SMIM13: variants seen among roughly 807,000 people sequenced by gnomAD.
The protein encoded by SMIM13 is UPF0766 protein C6orf228.
Under a neutral mutation model 5.9 loss-of-function variants are expected in SMIM13, and 3 were observed. That is an observed-to-expected ratio of 0.51 (90% CI 0.23 to 1.31). SMIM13 has a LOEUF of 1.31. Among genes scored for constraint, SMIM13 ranks in the 40% most tolerant of loss-of-function variants. SMIM13 has a pLI of 0.18. For synonymous variants in SMIM13, 55 were observed against 46.0 expected (o/e 1.19, Z -0.79); for missense variants, 85 against 109.9 (o/e 0.77, Z 1.01).
chr6:11,128,379 A>G (rs1181854170), intron 1 of SMIM13, among the ~76,000 whole-genome samples: 1 of 152,096 alleles, frequency 6.6e-6, no homozygotes, highest in Non-Finnish European at 1.5e-5. Context: ...TAGTATGGCT[A>G]AGCTGATACC....
At chr6:11,126,465 T>C (rs915868060) in intron 1 of SMIM13, among the ~76,000 whole-genome samples, 9 of 152,204 alleles carry the variant, frequency 5.9e-5, no homozygotes, top group African/African-American at 2.2e-4. Context: ...AAGTTTCAGC[T>C]CCAGAATTTC....
chr6:11,127,402 T>TA (rs760673549), intron 1 of SMIM13, among the ~76,000 whole-genome samples: 1 of 152,246 alleles, frequency 6.6e-6, no homozygotes, highest in Non-Finnish European at 1.5e-5. Flanking sequence ...ACAGCTGCCC[T>TA]AGGCCCACAG....
chr6:11,129,076 A>G (rs1581921132), intron 1 of SMIM13, among the ~76,000 whole-genome samples: 1 of 121,522 alleles, frequency 8.2e-6, no homozygotes, highest in Admixed American at 8.7e-5. Flanking sequence ...TGCTACCGGG[A>G]GCGGGGGGGG....
chr6:11,096,986 C>T (rs910951959), intron 1 of SMIM13, among the ~76,000 whole-genome samples: 2 of 152,178 alleles, frequency 1.3e-5, no homozygotes, highest in Non-Finnish European at 2.9e-5. Flanking sequence ...CCACAGTGCC[C>T]GTCCCCAGTG....
At chr6:11,122,494 G>A (rs935193722) in intron 1 of SMIM13, among the ~76,000 whole-genome samples, 2 of 151,978 alleles carry the variant, frequency 1.3e-5, no homozygotes, top group African/African-American at 4.8e-5. Flanking sequence ...AGTCAGGCCT[G>A]TGACCTTTTT....
chr6:11,098,721 C>T (rs916617254), intron 1 of SMIM13, among the ~76,000 whole-genome samples: 2 of 152,216 alleles, frequency 1.3e-5, no homozygotes, highest in African/African-American at 4.8e-5. Context: ...GCATGAGCCA[C>T]CATGCCGGGT....
intron 1 of SMIM13, chr6:11,104,035 C>T: frequency 6.4e-7 from 1 of 1,551,738 alleles, no homozygotes. Context: ...CCTCCCTGTG[C>T]TGCCGTTAAC....
rs916267555 is a variant in SMIM13, at chr6:11,094,244, ACGCGCCGCCGCC to A, written c.-64_-53del. ...CTGGCGCCCGCCGCTGAAGCGCAGG[ACGCGCCGCCGCC>A]CGCGCTCACCGCCGTCCGCGCCAGC... is the stretch of plus-strand genomic sequence containing the variant. On this transcript the variant is annotated 5_prime_UTR_variant, in exon 1 of 2. Transcript: ENST00000416247. 2 of 941,750 alleles carry A rather than the reference ACGCGCCGCCGCC, an allele frequency of 2.1e-6. No homozygotes were observed. Among genetic ancestry groups the A allele is most frequent in the Non-Finnish European group, 1.4e-6 (1 of 732,780 alleles). 58.3% of individuals were successfully genotyped at this position (941,750 alleles called of 1,614,324 possible).
chr6:11,123,942 A>G (rs1758344293), intron 1 of SMIM13, among the ~76,000 whole-genome samples: 1 of 152,356 alleles, frequency 6.6e-6, no homozygotes, highest in South Asian at 2.1e-4. Flanking sequence ...CATGCAATGC[A>G]TAATAATCAC....
At chr6:11,105,526 A>G (rs186140706) in intron 1 of SMIM13, 81 of 525,582 alleles carry the variant, frequency 1.5e-4, no homozygotes, top group Non-Finnish European at 2.4e-4. Flanking sequence ...TTGCAAGTGT[A>G]TTCCGGAGCT....
At chr6:11,130,253 T>TAAA (rs35012412) in intron 1 of SMIM13, among the ~76,000 whole-genome samples, 13,878 of 139,100 alleles carry the variant, frequency 0.1, 842 homozygotes, top group Non-Finnish European at 0.14. Flanking sequence ...GTAGTCATTG[T>TAAA]AAAAAAAAAA....
At chr6:11,110,376 T>C (rs900630788) in intron 1 of SMIM13, among the ~76,000 whole-genome samples, 3 of 152,242 alleles carry the variant, frequency 2.0e-5, no homozygotes, top group African/African-American at 7.2e-5. Context: ...CTTGTCTCCA[T>C]GACCTTATAG....
At chr6:11,107,757 A>G (rs1363463923) in intron 1 of SMIM13, among the ~76,000 whole-genome samples, 1 of 152,080 alleles carries the variant, frequency 6.6e-6, no homozygotes, top group African/African-American at 2.4e-5. Context: ...ACTAGCCTGT[A>G]TTTTTCATTG....
chr6:11,128,298 G>A (rs1207281399), intron 1 of SMIM13, among the ~76,000 whole-genome samples: 4 of 152,180 alleles, frequency 2.6e-5, no homozygotes, highest in East Asian at 1.9e-4. Context: ...GGCCCAGGGT[G>A]TATCTGGAAA....
chr6:11,097,968 A>G (rs1757946488), intron 1 of SMIM13, among the ~76,000 whole-genome samples: 1 of 151,660 alleles, frequency 6.6e-6, no homozygotes, highest in Non-Finnish European at 1.5e-5. Flanking sequence ...CCAATTTCTG[A>G]GATTTCATGG....
At position 11,094,464 on chromosome 6, in the gene SMIM13, G is replaced by GT. The variant is rs144395315; in HGVS notation, c.76+82dup. On this transcript the variant is annotated intron_variant, in intron 1 of 1. Transcript: ENST00000416247. ...TCTGCTGGGGTTTTTTTTGTTGTTT[G>GT]TTTTTTTGAAAAAAACAAAAGGGCG... 1.1e-3 allele frequency: 1,316 copies of GT among 1,243,548 alleles called. 18 individuals carry two copies. In the African/African-American group the frequency reaches 0.018, roughly 17 times the overall value. The allele number at this position is 1,243,548 out of a possible 1,614,324, so 77.0% of individuals were successfully genotyped here.
chr6:11,114,596 T>C (rs1170271744), intron 1 of SMIM13, among the ~76,000 whole-genome samples: 1 of 119,928 alleles, frequency 8.3e-6, no homozygotes, highest in Admixed American at 8.1e-5. Flanking sequence ...TTTTCTCTTT[T>C]TTTTTTTTTT....
chr6:11,098,891 G>A (rs1286084515), intron 1 of SMIM13, among the ~76,000 whole-genome samples: 1 of 152,032 alleles, frequency 6.6e-6, no homozygotes, highest in Non-Finnish European at 1.5e-5. Flanking sequence ...ATGTTCATAA[G>A]TGTACAGATT....
Position 11,134,414 on chromosome 6 carries a change from G to C in SMIM13, c.88G>C (p.Val30Leu), listed in dbSNP as rs1210235059. The C allele has an allele frequency of 1.2e-5, 18 of 1,550,526 alleles. No individual in the cohort carries two copies. The highest frequency in any genetic ancestry group is 1.4e-5 in the Non-Finnish European group (16 of 1,146,450). The change falls in exon 2 of 2, where the codon GTA (valine) becomes CTA (leucine). Residue 30 changes from valine to leucine, a missense_variant. Physicochemically the swap from Val to Leu is conservative, Grantham distance 32 (BLOSUM62 1). Transcript: ENST00000416247. ...GTCTTTCTCTGTAGGTTGGTATTTT[G>C]TATGGCATCTTTTTTTATCAAAATT... ...LLLMVCGWYF[V>L]WHLFLSKFKF... is the part of the protein sequence containing the mutation.
Sources: gnomAD v4.1 joint callset for allele counts (sites outside exome capture counted in the v4.1 genomes callset) on GRCh38, gnomAD v4.1.1 for gene constraint, MANE v1.5 for transcripts, NCBI Gene and HGNC (gene_info 2026-07-23, HGNC 2026-07-21) for gene names.